LRP1B: variants seen among roughly 807,000 people sequenced by gnomAD.
LRP1B encodes the protein low-density lipoprotein receptor-related protein 1B.
A neutral mutation model predicts 556.6 loss-of-function variants in LRP1B; 217 were observed. That is an observed-to-expected ratio of 0.39 (90% CI 0.35 to 0.44). The LOEUF (loss-of-function observed/expected upper bound fraction) is 0.44. Among genes scored for constraint, LRP1B ranks in the 20% least tolerant of loss-of-function variants. The probability of loss-of-function intolerance (pLI) is 1.00; values close to 1 mark genes in which losing one functional copy is unlikely to be tolerated. For missense variants in LRP1B, 5,053 were observed against 5,620.8 expected (o/e 0.90, Z 3.23); for synonymous variants, 2,047 against 1,865.8 (o/e 1.10, Z -2.50).
intron 2 of LRP1B, among the ~76,000 whole-genome samples, chr2:141,569,309 A>G (rs2105260563): frequency 6.6e-6 from 1 of 151,178 alleles, no homozygotes; most frequent in South Asian, 2.1e-4. Flanking sequence ...ACTGAAGAGG[A>G]GGATTTTAAG....
chr2:141,518,290 T>C (rs1272825983), intron 2 of LRP1B, among the ~76,000 whole-genome samples: 1 of 151,762 alleles, frequency 6.6e-6, no homozygotes, highest in Non-Finnish European at 1.5e-5. Context: ...GTTCAGTAGG[T>C]GGAAGCTCAG....
intron 2 of LRP1B, among the ~76,000 whole-genome samples, chr2:141,782,838 GT>G (rs1433619627): frequency 6.6e-6 from 1 of 151,870 alleles, no homozygotes; most frequent in African/African-American, 2.4e-5. Context: ...TTTATTGTAT[GT>G]TTACTCTGTG....
At chr2:142,055,289 T>C (rs757614453) in intron 1 of LRP1B, among the ~76,000 whole-genome samples, 2 of 152,122 alleles carry the variant, frequency 1.3e-5, no homozygotes, top group Admixed American at 6.5e-5. Context: ...CATCCCTCCA[T>C]GGTGGGACCA....
At chr2:141,671,856 A>T (rs1275609478) in intron 2 of LRP1B, among the ~76,000 whole-genome samples, 1 of 150,564 alleles carries the variant, frequency 6.6e-6, no homozygotes, top group African/African-American at 2.4e-5. Context: ...AATGCTATTT[A>T]TTCATTCAGT....
chr2:141,933,655 T>C (rs560177582), intron 1 of LRP1B, among the ~76,000 whole-genome samples: 31 of 152,290 alleles, frequency 2.0e-4, no homozygotes, highest in Non-Finnish European at 4.0e-4. Context: ...TTTTAGCTTG[T>C]ATATTTCTTA....
At chr2:140,943,612 G>A (rs1695461626) in intron 20 of LRP1B, among the ~76,000 whole-genome samples, 5 of 151,914 alleles carry the variant, frequency 3.3e-5, no homozygotes, top group African/African-American at 9.7e-5. Flanking sequence ...AATAGCCAGA[G>A]GAACTCTCAA....
At chr2:140,292,415 A>T (rs537774026) in intron 84 of LRP1B, among the ~76,000 whole-genome samples, 1 of 152,256 alleles carries the variant, frequency 6.6e-6, no homozygotes, top group South Asian at 2.1e-4. Flanking sequence ...AAATTTCTGA[A>T]GGCTTTCCCT....
At chr2:142,000,445 A>G (rs1001019434) in intron 1 of LRP1B, among the ~76,000 whole-genome samples, 1 of 152,352 alleles carries the variant, frequency 6.6e-6, no homozygotes, top group Non-Finnish European at 1.5e-5. Flanking sequence ...TGAAGTGGTG[A>G]TTACTGTTAA....
At chr2:140,284,893 TGG>T (rs1301940533) in intron 84 of LRP1B, among the ~76,000 whole-genome samples, 7 of 67,290 alleles carry the variant, frequency 1.0e-4, no homozygotes, top group East Asian at 3.9e-4. Flanking sequence ...TATCTATATA[TGG>T]ATATCTATAT....
intron 41 of LRP1B, among the ~76,000 whole-genome samples, chr2:140,667,262 A>G (rs554334981): frequency 7.2e-5 from 11 of 152,222 alleles, no homozygotes; most frequent in Admixed American, 3.3e-4. Context: ...GTTACCAACT[A>G]GAAAAGGTCC....
chr2:140,932,886 T>TACAC (rs373649277), intron 20 of LRP1B, among the ~76,000 whole-genome samples: 3,757 of 127,446 alleles, frequency 0.029, 72 homozygotes, highest in South Asian at 0.044. Flanking sequence ...TCTCTCCCTA[T>TACAC]ACACACACAC....
intron 77 of LRP1B, among the ~76,000 whole-genome samples, chr2:140,346,653 G>GCA (rs145714959): frequency 6.6e-5 from 10 of 151,422 alleles, no homozygotes; most frequent in South Asian, 4.2e-4. Context: ...AAGTGTTTTT[G>GCA]CACACACACA....
intron 3 of LRP1B, among the ~76,000 whole-genome samples, chr2:141,282,889 G>A (rs552987418): frequency 1.3e-5 from 2 of 152,250 alleles, no homozygotes; most frequent in East Asian, 1.9e-4. Flanking sequence ...AATGTAAGCA[G>A]TTGGAGGCTA....
chr2:141,343,773 T>C (rs1294976219), intron 3 of LRP1B, among the ~76,000 whole-genome samples: 1 of 152,184 alleles, frequency 6.6e-6, no homozygotes, highest in African/African-American at 2.4e-5. Flanking sequence ...TACCTAGCCT[T>C]GTATAGTTTT....
At chr2:141,942,492 CAAAAAACAAAACAAAAA>C (rs1440302803) in intron 1 of LRP1B, among the ~76,000 whole-genome samples, 3 of 151,478 alleles carry the variant, frequency 2.0e-5, no homozygotes, top group East Asian at 1.9e-4. Flanking sequence ...TTGTAAAAAA[CAAAAAACAAAACAAAAA>C]AAAAAACAAA....
chr2:141,888,384 C>T (rs75760724), intron 1 of LRP1B, among the ~76,000 whole-genome samples: 6 of 152,098 alleles, frequency 3.9e-5, no homozygotes, highest in African/African-American at 9.6e-5. Context: ...TTCTTCAGTC[C>T]GGAAAAAGCC....
intron 82 of LRP1B, among the ~76,000 whole-genome samples, chr2:140,317,760 A>AT (rs1684590223): frequency 2.6e-5 from 4 of 152,202 alleles, no homozygotes; most frequent in East Asian, 1.9e-4. Context: ...ACTCATTTTT[A>AT]CCTGTCAGTT....
chr2:140,285,091 A>ATC lies in LRP1B; in HGVS notation c.12968-10495_12968-10494dup, dbSNP rs566280955. 8.2e-4 allele frequency among the ~76,000 whole-genome samples: 122 copies of ATC among 149,398 alleles called. No individual in the cohort carries two copies. In the South Asian group the frequency reaches 0.025, roughly 30 times the overall value. On this transcript the variant is annotated intron_variant, in intron 84 of 90. Coordinates refer to ENST00000389484, the MANE Select transcript of LRP1B (RefSeq NM_018557.3). The stretch of plus-strand genomic sequence containing the variant: ...ATATTTATATATGGATAATCCCTAT[A>ATC]TCTCTCTCTCTATATATATATGTGT...
At position 141,048,982 on chromosome 2, in the gene LRP1B, T is replaced by C; in HGVS notation, c.1789+4A>G. On this transcript the variant is annotated splice_donor_region_variant and intron_variant, in intron 11 of 90. Coordinates refer to ENST00000389484, the MANE Select transcript of LRP1B (RefSeq NM_018557.3). ...TTTGATGTTAATGTCACAGTGTCACTTACCATCTTTCAGGATGGTTTCTCT... is the reference window on the plus strand; with the variant it reads ...TTTGATGTTAATGTCACAGTGTCACCTACCATCTTTCAGGATGGTTTCTCT... 6.3e-7 allele frequency: 1 copy of C among 1,598,576 alleles called. No homozygotes were observed. The highest frequency in any genetic ancestry group is 8.6e-7 in the Non-Finnish European group (1 of 1,166,068).
Sources: gnomAD v4.1 joint callset for allele counts (sites outside exome capture counted in the v4.1 genomes callset) on GRCh38, gnomAD v4.1.1 for gene constraint, MANE v1.5 for transcripts, NCBI Gene and HGNC (gene_info 2026-07-23, HGNC 2026-07-21) for gene names.